The following LHFPL4 variants were observed in gnomAD, a reference collection of about 807,000 sequenced individuals.
LHFPL4 encodes LHFPL tetraspan subfamily member 4 protein.
LHFPL4 carries 6 observed loss-of-function variants against 20.0 expected under a neutral mutation model. The observed-to-expected ratio is 0.30, with a 90% CI of 0.16 to 0.59. LHFPL4 has a LOEUF of 0.59. Among genes scored for constraint, LHFPL4 ranks in the 20% least tolerant of loss-of-function variants. LHFPL4 has a pLI of 0.88. For missense variants in LHFPL4, 215 were observed against 331.2 expected (o/e 0.65, Z 2.72); for synonymous variants, 129 against 143.8 (o/e 0.90, Z 0.74).
chr3:9,503,988 T>C (rs2046197786), intron 3 of LHFPL4, among the ~76,000 whole-genome samples: 1 of 152,134 alleles, frequency 6.6e-6, no homozygotes, highest in Non-Finnish European at 1.5e-5. Flanking sequence ...ATTGCACCAC[T>C]GCACTCCAGC....
At chr3:9,527,807 C>T (rs970259980) in intron 2 of LHFPL4, among the ~76,000 whole-genome samples, 5 of 123,996 alleles carry the variant, frequency 4.0e-5, no homozygotes, top group Non-Finnish European at 8.3e-5. Flanking sequence ...TTTTCAAATA[C>T]AAACACACAC....
intron 2 of LHFPL4, among the ~76,000 whole-genome samples, chr3:9,523,822 T>C (rs1372287237): frequency 6.6e-6 from 1 of 152,220 alleles, no homozygotes; most frequent in Non-Finnish European, 1.5e-5. Context: ...TAACCTATAC[T>C]GTTTCCCATT....
chr3:9,546,177 T>C (rs1208476962), intron 2 of LHFPL4, among the ~76,000 whole-genome samples: 1 of 151,368 alleles, frequency 6.6e-6, no homozygotes, highest in African/African-American at 2.4e-5. Context: ...TAGCCAGGTG[T>C]GGTGGCACGT....
At chr3:9,540,250 G>A (rs1050690005) in intron 2 of LHFPL4, among the ~76,000 whole-genome samples, 2 of 152,166 alleles carry the variant, frequency 1.3e-5, no homozygotes, top group South Asian at 4.1e-4. Context: ...GAAAAAGGTG[G>A]CTCTTTATAC....
chr3:9,528,200 T>C (rs903765717), intron 2 of LHFPL4, among the ~76,000 whole-genome samples: 3 of 152,238 alleles, frequency 2.0e-5, no homozygotes, highest in African/African-American at 7.2e-5. Context: ...TGCTATTTGA[T>C]AGCATTTTAT....
At chr3:9,540,636 G>A (rs1187887981) in intron 2 of LHFPL4, among the ~76,000 whole-genome samples, 2 of 152,046 alleles carry the variant, frequency 1.3e-5, no homozygotes, top group African/African-American at 4.8e-5. Flanking sequence ...GCTCATGCCT[G>A]TCATCCCAGC....
chr3:9,519,661 C>T (rs2046326008), intron 2 of LHFPL4, among the ~76,000 whole-genome samples: 1 of 151,556 alleles, frequency 6.6e-6, no homozygotes, highest in Non-Finnish European at 1.5e-5. Context: ...TGGGCTCAAG[C>T]AATCCTTCCA....
intron 3 of LHFPL4, among the ~76,000 whole-genome samples, chr3:9,503,699 A>G (rs1467705175): frequency 6.6e-6 from 1 of 152,224 alleles, no homozygotes; most frequent in Non-Finnish European, 1.5e-5. Flanking sequence ...TACTTGATAT[A>G]TATGAAAGTT....
At chr3:9,513,417 G>A (rs541303602) in intron 2 of LHFPL4, among the ~76,000 whole-genome samples, 7 of 152,006 alleles carry the variant, frequency 4.6e-5, no homozygotes, top group Admixed American at 6.6e-5. Flanking sequence ...CTGCGTCCTC[G>A]AACTCCTGGG....
intron 2 of LHFPL4, among the ~76,000 whole-genome samples, chr3:9,543,334 T>G (rs1459227330): frequency 6.6e-6 from 1 of 151,944 alleles, no homozygotes; most frequent in Non-Finnish European, 1.5e-5. Context: ...ACCCCGTCTC[T>G]ACTAAAAATA....
At chr3:9,522,972 C>T (rs1354712974) in intron 2 of LHFPL4, among the ~76,000 whole-genome samples, 6 of 136,300 alleles carry the variant, frequency 4.4e-5, no homozygotes, top group South Asian at 2.6e-4. Context: ...ACCAGGGAGG[C>T]GGAGCTTGCA....
rs1049107895 is a variant in LHFPL4, at chr3:9,506,741, C to T, written c.407-538G>A. Among the ~76,000 whole-genome samples the T allele has an allele frequency of 1.3e-4, 20 of 152,040 alleles. No homozygotes were observed. Among genetic ancestry groups the T allele is most frequent in the East Asian group, 3.9e-4 (2 of 5,178 alleles). ...GACTACAGGTGCCTCCCACCATGTC[C>T]GGCTCATTTTTGTATTTTTAGTAGA... On this transcript the variant is annotated intron_variant, in intron 2 of 3. Coordinates refer to ENST00000287585, the MANE Select transcript of LHFPL4 (RefSeq NM_198560.3). This position sits in a 1 kb window ranked among gnomAD's most constrained non-coding sequence, Gnocchi z 4.5.
chr3:9,523,425 CTGTT>C (rs1008982844), intron 2 of LHFPL4, among the ~76,000 whole-genome samples: 26 of 149,468 alleles, frequency 1.7e-4, no homozygotes, highest in South Asian at 1.7e-3. Flanking sequence ...AAAGAAAAGT[CTGTT>C]TGTTTGTTTT....
rs1486888464 is a variant in LHFPL4, at chr3:9,498,363, G to A, written c.*3848C>T. On this transcript the variant is annotated 3_prime_UTR_variant, in exon 4 of 4. Transcript: ENST00000287585. The stretch of plus-strand genomic sequence containing the variant: ...ACTCAGAGAAGTGGCAGCCAGCGTG[G>A]GTGATAGAAAGTGTTTCTTTATTTG... The A allele has an allele frequency of 6.6e-6, 1 of 152,552 alleles. No individual in the cohort carries two copies. The allele number at this position is 152,552 out of a possible 1,614,324, so 9.4% of individuals were successfully genotyped here.
intron 2 of LHFPL4, among the ~76,000 whole-genome samples, chr3:9,507,652 T>C (rs1574837508): frequency 6.6e-6 from 1 of 152,154 alleles, no homozygotes; most frequent in African/African-American, 2.4e-5. Flanking sequence ...TTGGCAATGG[T>C]TCCCTAGCTA....
chr3:9,524,038 T>C (rs2046358514), intron 2 of LHFPL4, among the ~76,000 whole-genome samples: 1 of 141,476 alleles, frequency 7.1e-6, no homozygotes, highest in African/African-American at 2.6e-5. Context: ...GCTTGCACAG[T>C]TTTTGAGTCA....
chr3:9,517,808 G>GTTTTTTTTTTTTT (rs1294844205), intron 2 of LHFPL4, among the ~76,000 whole-genome samples: 7 of 116,710 alleles, frequency 6.0e-5, no homozygotes, highest in Non-Finnish European at 1.1e-4. Flanking sequence ...TTTGTTTTTT[G>GTTTTTTTTTTTTT]TTTTTTTTTT....
rs1390092020 is a variant in LHFPL4 at position 9,552,449 on chromosome 3, G to A, written c.231C>T (p.Cys77=). Reference sequence around the variant, plus strand: ...TGCTGAAGTCGGTGAAGGAGCCCCGGCAGGTGAGCTCGCGGCCCGCCAGCC... The same window carrying A: ...TGCTGAAGTCGGTGAAGGAGCCCCGACAGGTGAGCTCGCGGCCCGCCAGCC... The part of the protein sequence containing the change: ...GSGLAGRELT[C]RGSFTDFSTI... Residue 77 remains cysteine, a synonymous_variant, in exon 2 of 4, where the codon TGC becomes TGT. Transcript: ENST00000287585. 2 of 1,613,366 alleles carry A rather than the reference G, an allele frequency of 1.2e-6. No individual in the cohort carries two copies. Among genetic ancestry groups the A allele is most frequent in the South Asian group, 2.2e-5 (2 of 91,048 alleles).
intron 2 of LHFPL4, among the ~76,000 whole-genome samples, chr3:9,545,493 T>C (rs192323821): frequency 1.2e-4 from 18 of 152,140 alleles, no homozygotes; most frequent in African/African-American, 4.1e-4. Context: ...CTGGGAAACA[T>C]AGTGAGACCC....
Sources: gnomAD v4.1 joint callset for allele counts (sites outside exome capture counted in the v4.1 genomes callset) on GRCh38, gnomAD v4.1.1 for gene constraint, Gnocchi (gnomAD v3.1) non-coding constraint, MANE v1.5 for transcripts, NCBI Gene and HGNC (gene_info 2026-07-23, HGNC 2026-07-21) for gene names.